The following SRSF11 variants were observed in gnomAD, a reference collection of about 807,000 sequenced individuals.
SRSF11 encodes serine/arginine-rich splicing factor 11.
Under a neutral mutation model 56.0 loss-of-function variants are expected in SRSF11, and 9 were observed. The ratio of observed to expected loss-of-function variants is 0.16; its 90% confidence interval spans 0.10 to 0.28. The LOEUF is 0.28. Ranked by LOEUF, SRSF11 falls within the 10% of genes least tolerant of loss-of-function variation. The pLI is 1.00. For missense variants in SRSF11, 421 were observed against 600.7 expected (o/e 0.70, Z 3.13); for synonymous variants, 222 against 215.3 (o/e 1.03, Z -0.27).
chr1:70,250,592 A>G lies in SRSF11; in HGVS notation c.1258-16A>G. On this transcript the variant is annotated splice_polypyrimidine_tract_variant and intron_variant, in intron 11 of 11. Coordinates refer to ENST00000370949, the MANE Select transcript of SRSF11 (RefSeq NM_001350605.2). ...TTCTTTGGAGAAGTTTACTTTTATT[A>G]TTCTCCTTGGCAAAGCAGGTTACAC... The G allele has an allele frequency of 1.2e-6, 2 of 1,611,170 alleles. No individual in the cohort carries two copies. Among genetic ancestry groups the G allele is most frequent in the Non-Finnish European group, 1.7e-6 (2 of 1,179,184 alleles).
In SRSF11 at chr1:70,244,691, A is replaced by G. The variant is rs1345935164; in HGVS notation, c.808A>G (p.Arg270Gly). The G allele has an allele frequency of 1.2e-6, 2 of 1,613,988 alleles. No individual in the cohort carries two copies. The highest frequency in any genetic ancestry group is 2.7e-5 in the African/African-American group (2 of 74,932). ...TPSSSRHRRS[R>G]SRSRRRSHSK... is the part of the protein sequence containing the mutation. ...TTCCTTTTACACTATTAGGCGGTCAAGAAGCAGATCGAGACGGCGGTCACA... is the reference window on the plus strand; with the variant it reads ...TTCCTTTTACACTATTAGGCGGTCAGGAAGCAGATCGAGACGGCGGTCACA... The change falls in exon 8 of 12, where the codon AGA (arginine) becomes GGA (glycine). Residue 270 changes from arginine to glycine, a missense_variant. Coordinates refer to ENST00000370949, the MANE Select transcript of SRSF11 (RefSeq NM_001350605.2).
rs143188901 is a variant in SRSF11, at chr1:70,229,802, A to G, written c.337+1247A>G. The G allele has an allele frequency of 3.4e-5, 33 of 983,900 alleles. No individual in the cohort carries two copies. In the East Asian group the frequency reaches 2.8e-3, roughly 85 times the overall value. 60.9% of individuals were successfully genotyped at this position (983,900 alleles called of 1,614,324 possible). On this transcript the variant is annotated intron_variant, in intron 2 of 11. Transcript: ENST00000370949. ...TGGTTTTCTAAAGAAATTAACTTAT[A>G]TTTATAAATGGGTTAAGACATGTTA... is the stretch of plus-strand genomic sequence containing the variant.
chr1:70,231,536 A>G, intron 2 of SRSF11: 2 of 1,077,112 alleles, frequency 1.9e-6, no homozygotes, highest in Non-Finnish European at 2.3e-6. Flanking sequence ...AGCATGGCAC[A>G]TGGCGAAACA....
intron 5 of SRSF11, among the ~76,000 whole-genome samples, chr1:70,236,224 A>G (rs111637994): frequency 6.6e-6 from 1 of 151,950 alleles, no homozygotes; most frequent in Non-Finnish European, 1.5e-5. Context: ...TAATACCAAT[A>G]CAGTTGAAGC....
rs1443465865 is a variant in SRSF11 at position 70,250,280 on chromosome 1, G to A, written c.1119-85G>A. 6.4e-6 allele frequency: 10 copies of A among 1,560,774 alleles called. 1 individual carries two copies. Among genetic ancestry groups the A allele is most frequent in the South Asian group, 2.5e-5 (2 of 79,282 alleles). ...AAGGTTTTGAAGTTGGATCTTTGCTGTACTACTTATATCCTGTGAAATTGA... is the reference window on the plus strand; with the variant it reads ...AAGGTTTTGAAGTTGGATCTTTGCTATACTACTTATATCCTGTGAAATTGA... On this transcript the variant is annotated intron_variant, in intron 10 of 11. Coordinates refer to ENST00000370949, the MANE Select transcript of SRSF11 (RefSeq NM_001350605.2).
intron 1 of SRSF11, among the ~76,000 whole-genome samples, chr1:70,227,016 A>G (rs1320104054): frequency 6.6e-6 from 1 of 152,080 alleles, no homozygotes; most frequent in Non-Finnish European, 1.5e-5. Context: ...TTTGCTTTGA[A>G]CTTGGGTTAG....
intron 1 of SRSF11, among the ~76,000 whole-genome samples, chr1:70,227,987 T>C (rs919324666): frequency 2.6e-5 from 4 of 152,212 alleles, no homozygotes; most frequent in Admixed American, 6.5e-5. Context: ...ATTGAGTACA[T>C]GTTCGTTCTC....
upstream of SRSF11, among the ~76,000 whole-genome samples, chr1:70,216,562 A>G (rs889396935): frequency 1.3e-5 from 2 of 151,724 alleles, no homozygotes; most frequent in African/African-American, 4.8e-5. Context: ...CTCCCAAGTA[A>G]TTGGGACCAC....
chr1:70,250,757 A>C lies in SRSF11; in HGVS notation c.1407A>C (p.Lys469Asn), dbSNP rs1384387111. The change falls in exon 12 of 12, where the codon AAA becomes AAC. Residue 469 changes from lysine (K) to asparagine (N), a missense_variant. Coordinates refer to ENST00000370949, the MANE Select transcript of SRSF11 (RefSeq NM_001350605.2). ...CTGGTGATTCACTAAGAGAATCCAA[A>C]GTGAATGGGGATGATCATCATGAAG... The part of the protein sequence containing the change: ...KGTGDSLRES[K>N]VNGDDHHEED... 1 of 1,613,938 alleles carries C rather than the reference A, an allele frequency of 6.2e-7. No individual in the cohort carries two copies. The highest frequency in any genetic ancestry group is 8.5e-7 in the Non-Finnish European group (1 of 1,179,984).
intron 3 of SRSF11, among the ~76,000 whole-genome samples, chr1:70,233,120 G>A (rs1461532407): frequency 6.6e-6 from 1 of 152,004 alleles, no homozygotes; most frequent in East Asian, 1.9e-4. Context: ...AGCTTTTTAG[G>A]TGTGACTTTT....
Position 70,244,716 on chromosome 1 carries a change from A to G in SRSF11, c.833A>G (p.His278Arg). The G allele has an allele frequency of 6.2e-7, 1 of 1,614,180 alleles. No homozygotes were observed. The highest frequency in any genetic ancestry group is 8.5e-7 in the Non-Finnish European group (1 of 1,180,018). Residue 278 changes from histidine (H) to arginine (R), a missense_variant, in exon 8 of 12, where the codon CAT becomes CGT. By Grantham distance (29) the His-to-Arg change is conservative. Coordinates refer to ENST00000370949, the MANE Select transcript of SRSF11 (RefSeq NM_001350605.2). ...AGAAGCAGATCGAGACGGCGGTCAC[A>G]TTCTAAGTCTAGGAGTCGGCGACGA... ...RSRSRSRRRS[H>R]SKSRSRRRSK... is the part of the protein sequence containing the mutation.
Position 70,221,443 on chromosome 1 carries a change from C to T in SRSF11, c.-194C>T, listed in dbSNP as rs969473734. On this transcript the variant is annotated 5_prime_UTR_variant, in exon 1 of 12. Coordinates refer to ENST00000370949, the MANE Select transcript of SRSF11 (RefSeq NM_001350605.2). ...TTTCTCGTGGTCTCGAGCTCGCGCG[C>T]TCTCATCCCCTCCCCCGCGGCGTGC... is the stretch of plus-strand genomic sequence containing the variant. The T allele has an allele frequency of 2.6e-6, 2 of 769,238 alleles. No individual in the cohort carries two copies. Among genetic ancestry groups the T allele is most frequent in the South Asian group, 1.9e-5 (1 of 52,632 alleles). The allele number at this position is 769,238 out of a possible 1,614,324, so 47.7% of individuals were successfully genotyped here.
At chr1:70,228,206 T>TGTA (rs2100697560) in intron 1 of SRSF11, among the ~76,000 whole-genome samples, 1 of 152,326 alleles carries the variant, frequency 6.6e-6, no homozygotes, top group South Asian at 2.1e-4. Context: ...ACTGTAAATA[T>TGTA]AAGTTATGAT....
upstream of SRSF11, chr1:70,218,681 T>C (rs990481199): frequency 6.6e-6 from 1 of 152,232 alleles, no homozygotes; most frequent in African/African-American, 2.4e-5. Flanking sequence ...TCAAATATTT[T>C]AGCATGCGTG....
At chr1:70,217,893 A>G (rs574090059), upstream of SRSF11, among the ~76,000 whole-genome samples, 3 of 152,352 alleles carry the variant, frequency 2.0e-5, no homozygotes, top group East Asian at 5.8e-4. Flanking sequence ...ATTTGACTGA[A>G]AAACTGACAC....
chr1:70,237,335 C>G, intron 5 of SRSF11, 90 bp from the exon 6 acceptor site: 1 of 1,521,222 alleles, frequency 6.6e-7, no homozygotes, highest in Non-Finnish European at 8.8e-7. Flanking sequence ...GAATATTTTG[C>G]TAAAATAATG....
At chr1:70,210,808 T>C (rs1361415196) in intron 1 of SRSF11, among the ~76,000 whole-genome samples, 4 of 152,070 alleles carry the variant, frequency 2.6e-5, no homozygotes, top group Non-Finnish European at 4.4e-5. Context: ...TTTTCCCTCT[T>C]ATATGAGGGC....
At chr1:70,239,355 G>C in intron 6 of SRSF11, 84 bp from the exon 7 acceptor site, 1 of 906,584 alleles carries the variant, frequency 1.1e-6, no homozygotes, top group Non-Finnish European at 1.7e-6. Flanking sequence ...GCCTCTCATA[G>C]TGCTGTGATT....
chr1:70,211,937 A>C (rs778277719), intron 1 of SRSF11, among the ~76,000 whole-genome samples: 2 of 152,144 alleles, frequency 1.3e-5, no homozygotes, highest in Non-Finnish European at 2.9e-5. Context: ...TTTCCTAGAA[A>C]TACTACATCT....
Sources: allele counts gnomAD v4.1 joint callset (sites outside exome capture counted in the v4.1 genomes callset), GRCh38; gene constraint gnomAD v4.1.1; transcripts MANE v1.5; gene names NCBI Gene and HGNC (gene_info 2026-07-23, HGNC 2026-07-21).